CSMD1: variants seen among roughly 807,000 people sequenced by gnomAD.
The protein encoded by CSMD1 is CUB and sushi domain-containing protein 1.
CSMD1 carries 213 observed loss-of-function variants against 417.5 expected under a neutral mutation model. The ratio of observed to expected loss-of-function variants is 0.51; its 90% CI spans 0.46 to 0.57. CSMD1 has a LOEUF of 0.57. CSMD1 is among the 20% of genes least tolerant of loss of function. CSMD1 has a pLI of 0.00. For missense variants in CSMD1, 6,923 were observed against 4,529.7 expected (o/e 1.53, Z -15.17); for synonymous variants, 2,862 against 1,736.8 (o/e 1.65, Z -16.11).
intron 12 of CSMD1, among the ~76,000 whole-genome samples, chr8:3,441,506 T>C (rs1331711087): frequency 1.8e-5 from 2 of 108,404 alleles, no homozygotes; most frequent in African/African-American, 6.9e-5. Context: ...TATATATATA[T>C]ATATACACAC....
intron 3 of CSMD1, among the ~76,000 whole-genome samples, chr8:4,227,120 C>G (rs757828367): frequency 4.6e-4 from 70 of 152,142 alleles, no homozygotes; most frequent in Non-Finnish European, 9.0e-4. Flanking sequence ...GAAATCGCCC[C>G]CAAGAGAAGG....
chr8:3,032,967 A>G (rs1810441799), intron 50 of CSMD1, among the ~76,000 whole-genome samples: 1 of 152,138 alleles, frequency 6.6e-6, no homozygotes, highest in Non-Finnish European at 1.5e-5. Context: ...CATTAAATAA[A>G]ATACCACTTT....
chr8:4,218,634 G>T lies in CSMD1; in HGVS notation c.416-186535C>A, dbSNP rs78921542. Among the ~76,000 whole-genome samples the T allele has an allele frequency of 2.7e-3, 414 of 152,066 alleles. 3 individuals carry two copies. The highest frequency in any genetic ancestry group is 9.5e-3 in the African/African-American group (394 of 41,452). ...ATAAAATCATATACTGTTTCATACCGACAGTGATTTCAGTATTAGTGGGAC... is the reference window on the plus strand; with the variant it reads ...ATAAAATCATATACTGTTTCATACCTACAGTGATTTCAGTATTAGTGGGAC... On this transcript the variant is annotated intron_variant, in intron 3 of 69. Coordinates refer to ENST00000635120, the MANE Select transcript of CSMD1 (RefSeq NM_033225.6).
At chr8:4,192,078 C>G (rs938757209) in intron 3 of CSMD1, among the ~76,000 whole-genome samples, 4 of 152,062 alleles carry the variant, frequency 2.6e-5, no homozygotes, top group Admixed American at 1.3e-4. Context: ...CCATTACAGA[C>G]AAACAGAAAA....
intron 2 of CSMD1, among the ~76,000 whole-genome samples, chr8:4,519,475 C>G: frequency 6.6e-6 from 1 of 151,826 alleles, no homozygotes; most frequent in East Asian, 1.9e-4. Context: ...CATGGTGGCT[C>G]ACGCCTGTAA....
chr8:4,188,563 A>G (rs1295931114), intron 3 of CSMD1, among the ~76,000 whole-genome samples: 1 of 152,164 alleles, frequency 6.6e-6, no homozygotes, highest in African/African-American at 2.4e-5. Context: ...AGTATGAGGT[A>G]GACACTGTCA....
chr8:3,700,075 G>A (rs775596050), intron 7 of CSMD1, among the ~76,000 whole-genome samples: 3 of 152,106 alleles, frequency 2.0e-5, no homozygotes, highest in African/African-American at 4.8e-5. Context: ...GTCCTCATAA[G>A]AATGATACAA....
In CSMD1 at chr8:4,451,444, C is replaced by T. The variant is rs777965277; in HGVS notation, c.303-31379G>A. On this transcript the variant is annotated intron_variant, in intron 2 of 69. Transcript: ENST00000635120. ...CACACTGAAAAAGTGGTCAGAAAAGCTTATCACTCTCATCAAGTCCCACTC... is the reference window on the plus strand; with the variant it reads ...CACACTGAAAAAGTGGTCAGAAAAGTTTATCACTCTCATCAAGTCCCACTC... Among the ~76,000 whole-genome samples, 2 of 152,120 alleles carry T rather than the reference C, an allele frequency of 1.3e-5. 1 individual carries two copies. The highest frequency in any genetic ancestry group is 3.9e-4 in the East Asian group (2 of 5,188).
chr8:4,382,158 T>C (rs1803146063), intron 3 of CSMD1, among the ~76,000 whole-genome samples: 1 of 152,186 alleles, frequency 6.6e-6, no homozygotes, highest in Non-Finnish European at 1.5e-5. Flanking sequence ...AAGCATGCAT[T>C]CTTCATGGGA....
chr8:4,793,938 G>C lies in CSMD1; in HGVS notation c.86-156380C>G, dbSNP rs57855577. Reference sequence around the variant, plus strand: ...ATGTGATGTAAGTTGAGGTTTGTGTGAAAATGAACTGGCACTTCTGTTAGG... The same window carrying C: ...ATGTGATGTAAGTTGAGGTTTGTGTCAAAATGAACTGGCACTTCTGTTAGG... On this transcript the variant is annotated intron_variant, in intron 1 of 69. Transcript: ENST00000635120. Among the ~76,000 whole-genome samples, 831 of 152,152 alleles carry C rather than the reference G, an allele frequency of 5.5e-3. 9 individuals are homozygous for C. The highest frequency in any genetic ancestry group is 0.019 in the African/African-American group (806 of 41,516).
chr8:4,656,630 C>A (rs1309054313), intron 1 of CSMD1, among the ~76,000 whole-genome samples: 1 of 151,404 alleles, frequency 6.6e-6, no homozygotes, highest in African/African-American at 2.5e-5. Flanking sequence ...AAGGTGGTGA[C>A]TAATTTTAGT....
intron 4 of CSMD1, among the ~76,000 whole-genome samples, chr8:4,015,974 T>C (rs984301683): frequency 1.3e-5 from 2 of 152,144 alleles, no homozygotes; most frequent in Non-Finnish European, 2.9e-5. Flanking sequence ...GAGGGAAATG[T>C]AGAAAAGCAC....
intron 3 of CSMD1, among the ~76,000 whole-genome samples, chr8:4,058,494 C>A (rs192082053): frequency 0.013 from 2,039 of 152,170 alleles, 43 homozygotes; most frequent in East Asian, 0.088. Flanking sequence ...GGACAATTTG[C>A]CTTCCTCTTT....
intron 1 of CSMD1, among the ~76,000 whole-genome samples, chr8:4,666,161 G>C (rs775494291): frequency 6.6e-6 from 1 of 152,136 alleles, no homozygotes; most frequent in East Asian, 1.9e-4. Flanking sequence ...ATCCTGGGAT[G>C]CAGAATAATG....
chr8:3,963,812 T>A (rs902343307), intron 5 of CSMD1, among the ~76,000 whole-genome samples: 2 of 152,122 alleles, frequency 1.3e-5, no homozygotes, highest in Admixed American at 6.6e-5. Context: ...TATTTTGAAA[T>A]AAAATCAACA....
chr8:4,660,076 C>T (rs547509368), intron 1 of CSMD1, among the ~76,000 whole-genome samples: 80 of 145,238 alleles, frequency 5.5e-4, no homozygotes, highest in African/African-American at 1.9e-3. Flanking sequence ...AGGATGTCCA[C>T]TCTTATTCAA....
chr8:3,336,698 G>A (rs1356450844), intron 23 of CSMD1, among the ~76,000 whole-genome samples: 4 of 152,164 alleles, frequency 2.6e-5, no homozygotes, highest in Admixed American at 6.5e-5. Flanking sequence ...GACTGTTCCC[G>A]ATGTGGGCGA....
At chr8:3,053,929 C>T (rs1488363080) in intron 49 of CSMD1, among the ~76,000 whole-genome samples, 2 of 152,102 alleles carry the variant, frequency 1.3e-5, no homozygotes, top group African/African-American at 2.4e-5. Flanking sequence ...CAAATTTTTC[C>T]CATGTAGATT....
chr8:4,656,026 G>A (rs1804207634), intron 1 of CSMD1, among the ~76,000 whole-genome samples: 1 of 152,128 alleles, frequency 6.6e-6, no homozygotes, highest in South Asian at 2.1e-4. Flanking sequence ...TGCATGCTCT[G>A]TTGGGAGATG....
Sources: gnomAD v4.1 joint callset for allele counts (sites outside exome capture counted in the v4.1 genomes callset) on GRCh38, gnomAD v4.1.1 for gene constraint, MANE v1.5 for transcripts, NCBI Gene and HGNC (gene_info 2026-07-23, HGNC 2026-07-21) for gene names.